ASIC2: variants seen among roughly 807,000 people sequenced by gnomAD.
ASIC2 encodes acid sensing ion channel subunit 2.
In ASIC2, 25 loss-of-function variants were observed where a neutral mutation model predicts 57.3. That is an observed-to-expected ratio of 0.44 (90% CI 0.32 to 0.61). The LOEUF (loss-of-function observed/expected upper bound fraction) is 0.61. ASIC2 is among the 20% of genes least tolerant of loss of function. ASIC2 has a pLI of 0.06. For synonymous variants in ASIC2, 319 were observed against 307.5 expected, an observed-to-expected ratio of 1.04 and a Z score of -0.39; for missense variants, 641 against 738.1, an observed-to-expected ratio of 0.87 and a Z score of 1.52.
intron 1 of ASIC2, among the ~76,000 whole-genome samples, chr17:33,247,929 G>A (rs1908748953): frequency 6.6e-6 from 1 of 152,190 alleles, no homozygotes; most frequent in Non-Finnish European, 1.5e-5. Context: ...GTATGTACGG[G>A]ACAGCCAGAA....
At chr17:33,088,705 T>A (rs1255799541) in intron 3 of ASIC2, among the ~76,000 whole-genome samples, 158 bp downstream of exon 3, 1 of 152,156 alleles carries the variant, frequency 6.6e-6, no homozygotes, top group South Asian at 2.1e-4. Context: ...GAACAACAGG[T>A]GGTACAGGAG....
In ASIC2 at chr17:34,133,188, G is replaced by C. The variant is rs569395732; in HGVS notation, c.555+22790C>G. Reference sequence around the variant, plus strand: ...TGATATGATATAAATACATATGATTGATTTCCCATTTTAGAAGCAATGAAA... The same window carrying C: ...TGATATGATATAAATACATATGATTCATTTCCCATTTTAGAAGCAATGAAA... On this transcript the variant is annotated intron_variant, in intron 1 of 9. Transcript: ENST00000359872. Among the ~76,000 whole-genome samples the C allele has an allele frequency of 2.1e-3, 315 of 152,268 alleles. 1 individual carries two copies. Among genetic ancestry groups the C allele is most frequent in the African/African-American group, 7.3e-3 (303 of 41,544 alleles).
At chr17:33,921,366 A>G (rs1008917576) in intron 1 of ASIC2, among the ~76,000 whole-genome samples, 1 of 152,234 alleles carries the variant, frequency 6.6e-6, no homozygotes, top group African/African-American at 2.4e-5. Context: ...GAATGATTAA[A>G]CAGTATGGAA....
chr17:33,289,411 T>C (rs138306507), intron 1 of ASIC2, among the ~76,000 whole-genome samples: 1 of 152,262 alleles, frequency 6.6e-6, no homozygotes, highest in Non-Finnish European at 1.5e-5. Flanking sequence ...CACAGGGACA[T>C]GTTGCCAAGA....
chr17:33,910,148 C>T, intron 1 of ASIC2, among the ~76,000 whole-genome samples: 1 of 152,224 alleles, frequency 6.6e-6, no homozygotes, highest in African/African-American at 2.4e-5. Context: ...TTGGGGATAT[C>T]GCTACATATT....
chr17:33,317,716 G>A (rs1014973575), intron 1 of ASIC2, among the ~76,000 whole-genome samples: 3 of 152,076 alleles, frequency 2.0e-5, no homozygotes, highest in African/African-American at 7.2e-5. Context: ...CACATTCACC[G>A]ATGACAGTAA....
At chr17:33,886,925 C>A (rs896806048) in intron 1 of ASIC2, among the ~76,000 whole-genome samples, 1 of 150,082 alleles carries the variant, frequency 6.7e-6, no homozygotes, top group African/African-American at 2.5e-5. Flanking sequence ...GAGGTAGATA[C>A]CAAAGGCAGA....
chr17:33,020,228 T>C (rs1438932663), intron 7 of ASIC2, among the ~76,000 whole-genome samples: 1 of 152,104 alleles, frequency 6.6e-6, no homozygotes, highest in Non-Finnish European at 1.5e-5. Context: ...AACTACTATT[T>C]ATGGACCTTT....
At chr17:33,192,620 T>C (rs1265782207) in intron 1 of ASIC2, among the ~76,000 whole-genome samples, 1 of 152,132 alleles carries the variant, frequency 6.6e-6, no homozygotes. Context: ...TCAAATCTTG[T>C]GAAGAAGCAA....
intron 1 of ASIC2, among the ~76,000 whole-genome samples, chr17:33,917,937 C>T (rs1455046088): frequency 2.0e-5 from 3 of 147,118 alleles, no homozygotes; most frequent in Non-Finnish European, 4.5e-5. Context: ...CGTGAACTCT[C>T]ATTCATTCCA....
intron 1 of ASIC2, among the ~76,000 whole-genome samples, chr17:33,500,019 T>C (rs1914053285): frequency 6.6e-6 from 1 of 151,326 alleles, no homozygotes; most frequent in Non-Finnish European, 1.5e-5. Flanking sequence ...TTTGACAGAG[T>C]TTTGACTTAC....
At chr17:33,064,566 AG>A (rs2092035161) in intron 3 of ASIC2, among the ~76,000 whole-genome samples, 1 of 152,186 alleles carries the variant, frequency 6.6e-6, no homozygotes, top group Non-Finnish European at 1.5e-5. Context: ...TTCATCTCAG[AG>A]GGGTACCTGG....
intron 1 of ASIC2, among the ~76,000 whole-genome samples, chr17:34,099,146 C>A (rs113346900): frequency 0.24 from 4,054 of 16,650 alleles, 88 homozygotes; most frequent in Non-Finnish European, 0.35. Context: ...GAGAGAGAGA[C>A]AGAGAGAGAG....
At chr17:33,353,579 T>A (rs1027501715) in intron 1 of ASIC2, among the ~76,000 whole-genome samples, 3 of 152,158 alleles carry the variant, frequency 2.0e-5, no homozygotes, top group Non-Finnish European at 4.4e-5. Flanking sequence ...GCTCAAGTGA[T>A]CCTCCTACCT....
chr17:34,056,366 A>C lies in ASIC2; in HGVS notation c.555+99612T>G, dbSNP rs549129347. 9.2e-5 allele frequency among the ~76,000 whole-genome samples: 14 copies of C among 152,258 alleles called. No individual in the cohort carries two copies. The East Asian group carries it at 2.7e-3, about 29-fold the overall frequency. ...TCCTGCCTTCTCCCTAAAATACCTC[A>C]ACATCTTGTGGAGGGATGGAAAATG... On this transcript the variant is annotated intron_variant, in intron 1 of 9. Coordinates refer to the ASIC2 transcript ENST00000359872.
At chr17:33,014,134 G>T in intron 9 of ASIC2, 68 bp from the exon 10 acceptor site, 2 of 1,259,420 alleles carry the variant, frequency 1.6e-6, no homozygotes, top group Non-Finnish European at 2.3e-6. Context: ...GCCACCAGCG[G>T]CCCAGCCTAG....
intron 1 of ASIC2, among the ~76,000 whole-genome samples, chr17:33,585,298 C>T (rs1270187016): frequency 6.6e-6 from 1 of 152,094 alleles, no homozygotes; most frequent in Non-Finnish European, 1.5e-5. Context: ...TGACCCAGTC[C>T]CAGGACCTCT....
rs1052795963 is a variant in ASIC2 at position 33,018,367 on chromosome 17, C to A, written c.1442-683G>T. 2.0e-5 allele frequency among the ~76,000 whole-genome samples: 3 copies of A among 152,290 alleles called. No individual in the cohort carries two copies. The East Asian group carries it at 5.8e-4, about 29-fold the overall frequency. On this transcript the variant is annotated intron_variant, in intron 7 of 9. Transcript: ENST00000225823. ...TAGGCCAATAGAATCAGAGCCTCTG[C>A]GGTTGGGGTCTGGATGTCGGGATTT...
intron 1 of ASIC2, among the ~76,000 whole-genome samples, chr17:33,700,055 G>T (rs557565033): frequency 5.3e-5 from 8 of 152,248 alleles, no homozygotes; most frequent in African/African-American, 1.9e-4. Context: ...CTGAGACAAG[G>T]ATGCATTTTC....
Sources: gnomAD v4.1 joint callset for allele counts (sites outside exome capture counted in the v4.1 genomes callset) on GRCh38, gnomAD v4.1.1 for gene constraint, MANE v1.5 for transcripts, NCBI Gene and HGNC (gene_info 2026-07-23, HGNC 2026-07-21) for gene names.